FZD8: variants seen among roughly 807,000 people sequenced by gnomAD.
The protein encoded by FZD8 is frizzled-8.
A neutral mutation model predicts 46.0 loss-of-function variants in FZD8; 18 were observed. The observed-to-expected ratio is 0.39, with a 90% CI of 0.27 to 0.58. FZD8 has a LOEUF of 0.58. Among genes scored for constraint, FZD8 ranks in the 20% least tolerant of loss-of-function variants. The pLI, the probability that FZD8 is intolerant of heterozygous loss-of-function variation, is 0.55. For synonymous variants in FZD8, 586 were observed against 467.9 expected (o/e 1.25, Z -3.26); for missense variants, 785 against 983.4 (o/e 0.80, Z 2.70).
At position 35,640,792 on chromosome 10, in the gene FZD8, C is replaced by A. The variant is rs749640613; in HGVS notation, c.638G>T (p.Gly213Val). The change falls in exon 1 of 1, where the codon GGC (glycine) becomes GTC (valine). Residue 213 changes from glycine (G) to valine (V), a missense_variant. By Grantham distance (109) the Gly-to-Val change is moderately radical. Around this residue, in one of 5 missense-constraint regions of FZD8, gnomAD observed 354 missense variants for 433.2 expected, o/e 0.82. Coordinates refer to ENST00000374694, the MANE Select transcript of FZD8 (RefSeq NM_031866.3). ...DAAAPPARGGGGGGKARPPGG... is the reference protein window; with the variant it reads ...DAAAPPARGGVGGGKARPPGG... ...AGGGGGCCGCGCCTTCCCGCCACCG[C>A]CGCCGCCGCGAGCTGGGGGCGCCGC... 111 of 1,101,216 alleles carry A rather than the reference C, an allele frequency of 1.0e-4. No individual in the cohort carries two copies. The African/African-American group carries it at 1.7e-3, about 17-fold the overall frequency. 68.2% of individuals were successfully genotyped at this position (1,101,216 alleles called of 1,614,324 possible).
In FZD8 at chr10:35,641,728, T is replaced by A; in HGVS notation, c.-299A>T. The A allele has an allele frequency of 7.3e-6, 2 of 272,568 alleles. No individual in the cohort carries two copies. The allele number at this position is 272,568 out of a possible 1,614,324, so 16.9% of individuals were successfully genotyped here. On this transcript the variant is annotated 5_prime_UTR_variant, in exon 1 of 1. The change abolishes the stop of an existing upstream ORF in the 5' untranslated region. Transcript: ENST00000374694. The surrounding 1 kb of genome is among the most constrained non-coding windows in gnomAD (Gnocchi z 6.3). ...CCGCTCTGCTGGCCCCGGGTCGCGC[T>A]CAGCCCTCGCGGCGCAGAGCGGCCG...
rs780912212 is a variant in FZD8, at chr10:35,640,070, T to A, written c.1360A>T (p.Ile454Phe). The change falls in exon 1 of 1, where the codon ATC becomes TTC. Residue 454 changes from isoleucine to phenylalanine, a missense_variant. Ile to Phe is a conservative substitution (Grantham distance 21). Around this residue, in one of 5 missense-constraint regions of FZD8, gnomAD observed 147 missense variants for 242.5 expected, o/e 0.61. Coordinates refer to ENST00000374694, the MANE Select transcript of FZD8 (RefSeq NM_031866.3). Reference sequence around the variant, plus strand: ...ACCGAGCTGAGCGCCAGCACCGCGATGGACTTGACGCTGGGCACAAGCCAC... The same window carrying A: ...ACCGAGCTGAGCGCCAGCACCGCGAAGGACTTGACGCTGGGCACAAGCCAC... The part of the protein sequence containing the change: ...AAWLVPSVKS[I>F]AVLALSSVDG... 5.4e-5 allele frequency: 87 copies of A among 1,609,984 alleles called. No individual in the cohort carries two copies. The highest frequency in any genetic ancestry group is 7.1e-5 in the Non-Finnish European group (84 of 1,179,384).
In FZD8 at chr10:35,638,712, T is replaced by C; in HGVS notation, c.*633A>G. The C allele has an allele frequency of 6.7e-6, 1 of 150,050 alleles. No individual in the cohort carries two copies. The highest frequency in any genetic ancestry group is 1.9e-4 in the East Asian group (1 of 5,134). 9.3% of individuals were successfully genotyped at this position (150,050 alleles called of 1,614,324 possible). On this transcript the variant is annotated 3_prime_UTR_variant, in exon 1 of 1. Coordinates refer to ENST00000374694, the MANE Select transcript of FZD8 (RefSeq NM_031866.3). ...TTTTTACAAAAAAATGTACACACTA[T>C]ATCTTTGGATATATACATATTTTAC...
chr10:35,641,157 C>T lies in FZD8; in HGVS notation c.273G>A (p.Met91Ile), dbSNP rs1349895418. 1 of 1,613,704 alleles carries T rather than the reference C, an allele frequency of 6.2e-7. No homozygotes were observed. The highest frequency in any genetic ancestry group is 1.3e-5 in the African/African-American group (1 of 74,918). The change falls in exon 1 of 1, where the codon ATG (methionine) becomes ATA (isoleucine). Residue 91 changes from methionine to isoleucine, a missense_variant. Physicochemically the swap from Met to Ile is conservative, Grantham distance 10 (BLOSUM62 1). Transcript: ENST00000374694. This position sits in a 1 kb window ranked among gnomAD's most constrained non-coding sequence, Gnocchi z 6.3. ...SPDLKFFLCS[M>I]YTPICLEDYK... ...AGTCCTCTAGGCAGATGGGCGTGTACATGCTGCACAGGAAGAACTTGAGAT... is the reference window on the plus strand; with the variant it reads ...AGTCCTCTAGGCAGATGGGCGTGTATATGCTGCACAGGAAGAACTTGAGAT...
In FZD8 at chr10:35,639,894, C is replaced by A. The variant is rs1290191206; in HGVS notation, c.1536G>T (p.Ser512=). The A allele has an allele frequency of 5.0e-6, 8 of 1,612,486 alleles. No homozygotes were observed. Among genetic ancestry groups the A allele is most frequent in the African/African-American group, 1.3e-5 (1 of 74,976 alleles). The change falls in exon 1 of 1, where the codon TCG becomes TCT. Residue 512 remains serine, a synonymous_variant. Coordinates refer to ENST00000374694, the MANE Select transcript of FZD8 (RefSeq NM_031866.3). ...AGFVSLFRIR[S]VIKQQDGPTK... ...TGGGGCCGTCCTGTTGCTTGATGAC[C>A]GAGCGGATGCGGAAGAGGGACACGA...
chr10:35,641,115 C>G lies in FZD8; in HGVS notation c.315G>C (p.Pro105=), dbSNP rs781057993. ...ICLEDYKKPL[P]PCRSVCERAK... ...CGCGCTCGCACACCGAGCGGCAGGG[C>G]GGCAGCGGCTTCTTGTAGTCCTCTA... The change falls in exon 1 of 1, where the codon CCG becomes CCC. Residue 105 remains proline, a synonymous_variant. Coordinates refer to ENST00000374694, the MANE Select transcript of FZD8 (RefSeq NM_031866.3). The surrounding 1 kb of genome is among the most constrained non-coding windows in gnomAD (Gnocchi z 6.3). The G allele has an allele frequency of 3.7e-6, 6 of 1,612,220 alleles. No homozygotes were observed. The highest frequency in any genetic ancestry group is 5.1e-6 in the Non-Finnish European group (6 of 1,179,682).
rs1248800968 is a variant in FZD8 at position 35,640,954 on chromosome 10, G to T, written c.476C>A (p.Ala159Asp). The T allele has an allele frequency of 1.2e-5, 18 of 1,447,814 alleles. No individual in the cohort carries two copies. Among genetic ancestry groups the T allele is most frequent in the Non-Finnish European group, 1.6e-5 (17 of 1,096,226 alleles). 89.7% of individuals were successfully genotyped at this position (1,447,814 alleles called of 1,614,324 possible). A position where few individuals can be genotyped will look rare whatever the true frequency, so the allele number is the denominator to read the frequency against. ...CAGGCGGCGCGGCGGGCTGGGCGCG[G>T]CGGTGGTTAGGTCGGTGCGGTTGTA... is the stretch of plus-strand genomic sequence containing the variant. ...MDYNRTDLTT[A>D]APSPPRRLPP... Residue 159 changes from alanine to aspartate, a missense_variant, in exon 1 of 1, where the codon GCC becomes GAC. Around this residue, in one of 5 missense-constraint regions of FZD8, gnomAD observed 354 missense variants for 433.2 expected, o/e 0.82. Transcript: ENST00000374694.
rs143683754 is a variant in FZD8 at position 35,642,235 on chromosome 10, C to T, written c.-806G>A. 5.2e-5 allele frequency: 8 copies of T among 153,056 alleles called. No homozygotes were observed. The highest frequency in any genetic ancestry group is 1.9e-4 in the African/African-American group (8 of 41,592). The allele number at this position is 153,056 out of a possible 1,614,324, so 9.5% of individuals were successfully genotyped here. The stretch of plus-strand genomic sequence containing the variant: ...GAGTGGCGCGGCCCGCGCCCAGCCG[C>T]CGCCTCCTCCTCGGCGGGAGCAGCG... On this transcript the variant is annotated 5_prime_UTR_variant, in exon 1 of 1. Transcript: ENST00000374694.
At position 35,639,332 on chromosome 10, in the gene FZD8, C is replaced by A; in HGVS notation, c.*13G>T. ...CCCCTCCCCACCCCTCCTGGGCGCC[C>A]CCTCCCCTCCGCTCAGACCTGGGAC... is the stretch of plus-strand genomic sequence containing the variant. On this transcript the variant is annotated 3_prime_UTR_variant, in exon 1 of 1. Coordinates refer to ENST00000374694, the MANE Select transcript of FZD8 (RefSeq NM_031866.3). 2 of 1,359,716 alleles carry A rather than the reference C, an allele frequency of 1.5e-6. No homozygotes were observed. The highest frequency in any genetic ancestry group is 3.0e-5 in the East Asian group (1 of 32,788). 84.2% of individuals were successfully genotyped at this position (1,359,716 alleles called of 1,614,324 possible). A position where few individuals can be genotyped will look rare whatever the true frequency, so the allele number is the denominator to read the frequency against.
At position 35,641,589 on chromosome 10, in the gene FZD8, T is replaced by G; in HGVS notation, c.-160A>C. 4.3e-6 allele frequency: 4 copies of G among 924,016 alleles called. No individual in the cohort carries two copies. Among genetic ancestry groups the G allele is most frequent in the Non-Finnish European group, 6.2e-6 (4 of 640,754 alleles). 57.2% of individuals were successfully genotyped at this position (924,016 alleles called of 1,614,324 possible). On this transcript the variant is annotated 5_prime_UTR_variant, in exon 1 of 1. Transcript: ENST00000374694. The surrounding 1 kb of genome is among the most constrained non-coding windows in gnomAD (Gnocchi z 6.3). ...GGTCTGCCGATAATCTAACCCCTTC[T>G]AGGGGCGCGTCCGCAGCGGCGCGGC...
rs557121846 is a variant in FZD8, at chr10:35,638,562, G to A, written c.*783C>T. 6.6e-6 allele frequency: 1 copy of A among 152,660 alleles called. No homozygotes were observed. The highest frequency in any genetic ancestry group is 2.4e-5 in the African/African-American group (1 of 41,572). 9.5% of individuals were successfully genotyped at this position (152,660 alleles called of 1,614,324 possible). On this transcript the variant is annotated 3_prime_UTR_variant, in exon 1 of 1. Transcript: ENST00000374694. ...CATTTTCCCCATGCGTCCTTAGCAAGCACTTTAAAGGTGACAGCTCAGAAG... is the reference window on the plus strand; with the variant it reads ...CATTTTCCCCATGCGTCCTTAGCAAACACTTTAAAGGTGACAGCTCAGAAG...
At position 35,640,868 on chromosome 10, in the gene FZD8, C is replaced by T; in HGVS notation, c.562G>A (p.Ala188Thr). 1.2e-5 allele frequency: 12 copies of T among 978,524 alleles called. No individual in the cohort carries two copies. The highest frequency in any genetic ancestry group is 1.5e-5 in the Non-Finnish European group (12 of 826,600). 60.6% of individuals were successfully genotyped at this position (978,524 alleles called of 1,614,324 possible). A position where few individuals can be genotyped will look rare whatever the true frequency, so the allele number is the denominator to read the frequency against. The change falls in exon 1 of 1, where the codon GCC becomes ACC. Residue 188 changes from alanine to threonine, a missense_variant. Ala to Thr is a moderately conservative substitution (Grantham distance 58). Around this residue, in one of 5 missense-constraint regions of FZD8, gnomAD observed 354 missense variants for 433.2 expected, o/e 0.82. Transcript: ENST00000374694. ...CCGCCGCCGCGGTGCGGGGGCCTGG[C>T]CCCCGGCGGGCGGCCGTGGCCGCTG... ...SGSGHGRPPG[A>T]RPPHRGGGRG...
chr10:35,640,268 A>C lies in FZD8; in HGVS notation c.1162T>G (p.Tyr388Asp). 1 of 1,603,336 alleles carries C rather than the reference A, an allele frequency of 6.2e-7. No individual in the cohort carries two copies. The highest frequency in any genetic ancestry group is 8.5e-7 in the Non-Finnish European group (1 of 1,179,062). Reference sequence around the variant, plus strand: ...CACAGCGCGGGGCCGGTGGTCTCGTAGCGCACGTGCTGCTCCACCGCGCCC... The same window carrying C: ...CACAGCGCGGGGCCGGTGGTCTCGTCGCGCACGTGCTGCTCCACCGCGCCC... The part of the protein sequence containing the change: ...ELGAVEQHVR[Y>D]ETTGPALCTV... The change falls in exon 1 of 1, where the codon TAC becomes GAC. Residue 388 changes from tyrosine to aspartate, a missense_variant. Tyr to Asp is a radical substitution (Grantham distance 160). Around this residue, in one of 5 missense-constraint regions of FZD8, gnomAD observed 88 missense variants for 83.6 expected, o/e 1.05. Coordinates refer to ENST00000374694, the MANE Select transcript of FZD8 (RefSeq NM_031866.3).
At position 35,639,480 on chromosome 10, in the gene FZD8, C is replaced by CCCG. The variant is rs961698347; in HGVS notation, c.1947_1949dup (p.Gly651dup). ...CCGGCCCCCCGCCGCCGCCGGGTCC[C>CCCG]CCGCCGCCGCCGCCCCCCGGCCCGC... On this transcript the variant is annotated inframe_insertion, in exon 1 of 1. Coordinates refer to ENST00000374694, the MANE Select transcript of FZD8 (RefSeq NM_031866.3). 13 of 976,276 alleles carry CCCG rather than the reference C, an allele frequency of 1.3e-5. No homozygotes were observed. Among genetic ancestry groups the CCCG allele is most frequent in the South Asian group, 9.1e-5 (2 of 21,946 alleles). The allele number at this position is 976,276 out of a possible 1,614,324, so 60.5% of individuals were successfully genotyped here.
rs1169313488 is a variant in FZD8 at position 35,640,047 on chromosome 10, C to T, written c.1383G>A (p.Ser461=). The T allele has an allele frequency of 3.7e-6, 6 of 1,609,780 alleles. No homozygotes were observed. Among genetic ancestry groups the T allele is most frequent in the Non-Finnish European group, 3.4e-6 (4 of 1,179,478 alleles). Residue 461 remains serine, a synonymous_variant, in exon 1 of 1, where the codon TCG becomes TCA. Transcript: ENST00000374694. Reference sequence around the variant, plus strand: ...TGCCCGCCACCGGGTCGCCGTCCACCGAGCTGAGCGCCAGCACCGCGATGG... The same window carrying T: ...TGCCCGCCACCGGGTCGCCGTCCACTGAGCTGAGCGCCAGCACCGCGATGG... The part of the protein sequence containing the change: ...VKSIAVLALS[S]VDGDPVAGIC...
Position 35,640,418 on chromosome 10 carries a change from C to T in FZD8, c.1012G>A (p.Val338Met). The T allele has an allele frequency of 7.1e-7, 1 of 1,416,428 alleles. No individual in the cohort carries two copies. The highest frequency in any genetic ancestry group is 9.4e-7 in the Non-Finnish European group (1 of 1,068,940). 87.7% of individuals were successfully genotyped at this position (1,416,428 alleles called of 1,614,324 possible). A position where few individuals can be genotyped will look rare whatever the true frequency, so the allele number is the denominator to read the frequency against. Reference protein sequence around the residue: ...LVRLVAGHEKVACSGGAPGAG... With the variant: ...LVRLVAGHEKMACSGGAPGAG... ...CCCGGCGCGCCACCGCTGCACGCCA[C>T]CTTCTCGTGGCCCGCCACCAGGCGC... Residue 338 changes from valine to methionine, a missense_variant, in exon 1 of 1, where the codon GTG (valine) becomes ATG (methionine). Val to Met is a conservative substitution (Grantham distance 21, BLOSUM62 1). Around this residue, in one of 5 missense-constraint regions of FZD8, gnomAD observed 88 missense variants for 83.6 expected, o/e 1.05. Coordinates refer to ENST00000374694, the MANE Select transcript of FZD8 (RefSeq NM_031866.3).
In FZD8 at chr10:35,639,924, G is replaced by T. The variant is rs370384168; in HGVS notation, c.1506C>A (p.Ala502=). 1.2e-6 allele frequency: 2 copies of T among 1,612,922 alleles called. No homozygotes were observed. Among genetic ancestry groups the T allele is most frequent in the African/African-American group, 1.3e-5 (1 of 74,856 alleles). Residue 502 remains alanine (A), a synonymous_variant, in exon 1 of 1, where the codon GCC becomes GCA. Coordinates refer to ENST00000374694, the MANE Select transcript of FZD8 (RefSeq NM_031866.3). The stretch of plus-strand genomic sequence containing the variant: ...GGATGCGGAAGAGGGACACGAAGCC[G>T]GCCAGCAGGAACATGGTGCCGATGA... ...YLFIGTMFLL[A]GFVSLFRIRS... is the part of the protein sequence containing the mutation.
chr10:35,641,557 G>A lies in FZD8; in HGVS notation c.-128C>T. ...TGGGGTCTCCCTTATGCTTCGCCCG[G>A]GAGGGGGGTCTGCCGATAATCTAAC... On this transcript the variant is annotated 5_prime_UTR_variant, in exon 1 of 1. Coordinates refer to ENST00000374694, the MANE Select transcript of FZD8 (RefSeq NM_031866.3). This position sits in a 1 kb window ranked among gnomAD's most constrained non-coding sequence, Gnocchi z 6.3. 1 of 1,258,592 alleles carries A rather than the reference G, an allele frequency of 7.9e-7. No individual in the cohort carries two copies. The highest frequency in any genetic ancestry group is 1.1e-6 in the Non-Finnish European group (1 of 938,368). 78.0% of individuals were successfully genotyped at this position (1,258,592 alleles called of 1,614,324 possible). A position where few individuals can be genotyped will look rare whatever the true frequency, so the allele number is the denominator to read the frequency against.
rs1057244884 is a variant in FZD8 at position 35,640,342 on chromosome 10, G to C, written c.1088C>G (p.Ala363Gly). 3.5e-4 allele frequency: 337 copies of C among 964,914 alleles called. 3 individuals are homozygous for C. In the South Asian group the frequency reaches 8.1e-3, roughly 23 times the overall value. 59.8% of individuals were successfully genotyped at this position (964,914 alleles called of 1,614,324 possible). A position where few individuals can be genotyped will look rare whatever the true frequency, so the allele number is the denominator to read the frequency against. Reference protein sequence around the residue: ...AGGAAAGAGAAGAGAGGPGGR... With the variant: ...AGGAAAGAGAGGAGAGGPGGR... ...GCCCGGGCCGCCCGCGCCCGCGCCC[G>C]CCGCGCCCGCGCCCGCCGCCGCGCC... is the stretch of plus-strand genomic sequence containing the variant. The change falls in exon 1 of 1, where the codon GCG becomes GGG. Residue 363 changes from alanine to glycine, a missense_variant. Ala to Gly is a moderately conservative substitution (Grantham distance 60). Coordinates refer to ENST00000374694, the MANE Select transcript of FZD8 (RefSeq NM_031866.3).
Sources: allele counts gnomAD v4.1 joint callset, GRCh38; gene constraint gnomAD v4.1.1; regional missense constraint gnomAD v4.1.1; non-coding constraint Gnocchi (gnomAD v3.1); transcripts MANE v1.5; gene names NCBI Gene and HGNC (gene_info 2026-07-23, HGNC 2026-07-21).